Variants in NNMT observed in about 807,000 individuals in gnomAD.
NNMT encodes the protein nicotinamide N-methyltransferase.
A neutral mutation model predicts 11.7 loss-of-function variants in NNMT; 10 were observed. The ratio of observed to expected loss-of-function variants is 0.85; its 90% CI spans 0.53 to 1.45. The LOEUF (loss-of-function observed/expected upper bound fraction) is 1.45, where lower values mean the gene tolerates loss of function less well. Among genes scored for constraint, NNMT ranks in the 40% most tolerant of loss-of-function variants. NNMT has a pLI of 0.00. For missense variants in NNMT, 381 were observed against 319.4 expected (o/e 1.19, Z -1.47); for synonymous variants, 143 against 133.8 (o/e 1.07, Z -0.48).
chr11:114,288,712 G>C (rs1945315502), intron 2 of NNMT, among the ~76,000 whole-genome samples: 1 of 151,912 alleles, frequency 6.6e-6, no homozygotes, highest in South Asian at 2.1e-4. Flanking sequence ...GCTGAAATGG[G>C]GATAATAATA....
chr11:114,288,047 G>C (rs1945310922), intron 2 of NNMT, among the ~76,000 whole-genome samples: 1 of 152,120 alleles, frequency 6.6e-6, no homozygotes, highest in South Asian at 2.1e-4. Context: ...TTGCTGATTA[G>C]AAATGAATTT....
chr11:114,265,011 C>T (rs967358155), intron 2 of NNMT, among the ~76,000 whole-genome samples: 4 of 152,222 alleles, frequency 2.6e-5, no homozygotes, highest in Middle Eastern at 3.4e-3. Flanking sequence ...AAGTTACTGG[C>T]CATTGGAAAT....
chr11:114,296,348 A>C, upstream of NNMT: 1 of 534,830 alleles, frequency 1.9e-6, no homozygotes, highest in Non-Finnish European at 3.3e-6. Context: ...TTCTCCGGGA[A>C]TTTCATCATT....
chr11:114,281,001 C>T (rs772602268), intron 2 of NNMT, among the ~76,000 whole-genome samples: 2 of 152,190 alleles, frequency 1.3e-5, no homozygotes, highest in African/African-American at 2.4e-5. Flanking sequence ...TGTTGCCTCA[C>T]CTCCACCACA....
At chr11:114,278,622 G>A (rs950597622) in intron 2 of NNMT, among the ~76,000 whole-genome samples, 1 of 151,704 alleles carries the variant, frequency 6.6e-6, no homozygotes, top group Non-Finnish European at 1.5e-5. Flanking sequence ...ATGTGTGTGT[G>A]TGTGTGTGTG....
intron 2 of NNMT, among the ~76,000 whole-genome samples, chr11:114,269,154 T>G (rs946597350): frequency 6.6e-6 from 1 of 152,240 alleles, no homozygotes; most frequent in African/African-American, 2.4e-5. Context: ...GCCGTTTAGC[T>G]CCAGACTCTG....
rs1945378230 is a variant in NNMT at position 114,296,427 on chromosome 11, G to C, written c.-130G>C. ...GTTTAACCAACCATCTGTTCTAAAA[G>C]AAGGGCTGAACTGATGGAAGGAATG... On this transcript the variant is annotated 5_prime_UTR_variant, in exon 1 of 3. Transcript: ENST00000299964. The C allele has an allele frequency of 3.5e-6, 3 of 853,686 alleles. No individual in the cohort carries two copies. The highest frequency in any genetic ancestry group is 2.5e-4 in the Middle Eastern group (1 of 4,002). 52.9% of individuals were successfully genotyped at this position (853,686 alleles called of 1,614,324 possible).
At chr11:114,272,282 C>T (rs1945175494) in intron 2 of NNMT, among the ~76,000 whole-genome samples, 1 of 151,554 alleles carries the variant, frequency 6.6e-6, no homozygotes, top group Non-Finnish European at 1.5e-5. Flanking sequence ...ATGGATTCCT[C>T]TATTTACTGT....
At chr11:114,263,575 G>A (rs951708909) in intron 2 of NNMT, among the ~76,000 whole-genome samples, 1 of 152,144 alleles carries the variant, frequency 6.6e-6, no homozygotes, top group African/African-American at 2.4e-5. Flanking sequence ...TTATAACCTA[G>A]CTCTGCCCAC....
intron 2 of NNMT, among the ~76,000 whole-genome samples, chr11:114,267,280 C>A (rs561513078): frequency 1.2e-4 from 19 of 152,216 alleles, no homozygotes; most frequent in African/African-American, 4.6e-4. Context: ...AATAAATAAA[C>A]AAATAAATAA....
At chr11:114,263,382 CT>C (rs1200000830) in intron 2 of NNMT, among the ~76,000 whole-genome samples, 1 of 152,196 alleles carries the variant, frequency 6.6e-6, no homozygotes, top group African/African-American at 2.4e-5. Context: ...TTTACCTTCC[CT>C]TCACCAGACA....
intron 2 of NNMT, among the ~76,000 whole-genome samples, chr11:114,269,029 G>A (rs959142983): frequency 1.3e-5 from 2 of 152,012 alleles, no homozygotes; most frequent in Non-Finnish European, 2.9e-5. Flanking sequence ...CTAAGAGGTA[G>A]ATTATTATCC....
At position 114,285,345 on chromosome 11, in the gene NNMT, G is replaced by A. The variant is rs576564249; in HGVS notation, c.-129-11083G>A. ...AACCAGGCAGAAGGCAGCCCTCTGC[G>A]TACATACAGTGACGCCCTTATGGTC... On this transcript the variant is annotated intron_variant, in intron 2 of 4. Coordinates refer to the NNMT transcript ENST00000535401. Among the ~76,000 whole-genome samples the A allele has an allele frequency of 5.9e-5, 9 of 152,250 alleles. No homozygotes were observed. In the East Asian group the frequency reaches 7.7e-4, roughly 13 times the overall value.
rs140612040 is a variant in NNMT at position 114,272,172 on chromosome 11, A to G, written c.-130+9238A>G. ...TTCCTGGACAAACTCCCTGCCCTCCATGACTCTTCAGGAACCCACAGCACC... is the reference window on the plus strand; with the variant it reads ...TTCCTGGACAAACTCCCTGCCCTCCGTGACTCTTCAGGAACCCACAGCACC... On this transcript the variant is annotated intron_variant, in intron 2 of 4. Coordinates refer to the NNMT transcript ENST00000535401. Among the ~76,000 whole-genome samples, 99 of 152,274 alleles carry G rather than the reference A, an allele frequency of 6.5e-4. 2 individuals are homozygous for G. In the East Asian group the frequency reaches 0.018, roughly 27 times the overall value.
intron 2 of NNMT, among the ~76,000 whole-genome samples, chr11:114,268,768 CAAAAAAAAAAA>C (rs34012236): frequency 4.3e-5 from 3 of 69,648 alleles, no homozygotes; most frequent in African/African-American, 1.0e-4. Context: ...GACTCCGTCT[CAAAAAAAAAAA>C]AAAAAAAAAA....
At chr11:114,288,891 T>A (rs1945316555) in intron 2 of NNMT, among the ~76,000 whole-genome samples, 1 of 152,206 alleles carries the variant, frequency 6.6e-6, no homozygotes, top group Non-Finnish European at 1.5e-5. Context: ...AGCTTGTAAT[T>A]TTTTTCTTCT....
intron 2 of NNMT, among the ~76,000 whole-genome samples, chr11:114,282,190 C>T (rs1484356421): frequency 1.3e-5 from 2 of 152,180 alleles, no homozygotes; most frequent in African/African-American, 4.8e-5. Flanking sequence ...CACCACTGCA[C>T]TCCAGCCTGG....
chr11:114,312,090 G>A lies in NNMT; in HGVS notation c.408G>A (p.Lys136=), dbSNP rs753532824. 2.5e-6 allele frequency: 4 copies of A among 1,600,566 alleles called. No homozygotes were observed. The highest frequency in any genetic ancestry group is 2.2e-5 in the East Asian group (1 of 44,554). ...EKEEKLRQAV[K]QVLKCDVTQS... ...AGGAGAAGTTGAGACAGGCGGTCAA[G>A]CAGGTGCTGAAGTGTGATGTGACTC... The change falls in exon 3 of 3, where the codon AAG becomes AAA. Residue 136 remains lysine (K), a synonymous_variant. Transcript: ENST00000299964.
chr11:114,303,725 C>T (rs1289559267), intron 2 of NNMT, among the ~76,000 whole-genome samples: 1 of 152,114 alleles, frequency 6.6e-6, no homozygotes, highest in African/African-American at 2.4e-5. Flanking sequence ...AGAGGCTATT[C>T]TATTTTTTTT....
Sources: gnomAD v4.1 joint callset for allele counts (sites outside exome capture counted in the v4.1 genomes callset) on GRCh38, gnomAD v4.1.1 for gene constraint, MANE v1.5 for transcripts, NCBI Gene and HGNC (gene_info 2026-07-23, HGNC 2026-07-21) for gene names.